ST8SIA6: variants seen among roughly 807,000 people sequenced by gnomAD.
ST8SIA6 encodes alpha-2,8-sialyltransferase 8F.
Under a neutral mutation model 33.6 loss-of-function variants are expected in ST8SIA6, and 39 were observed. The ratio of observed to expected loss-of-function variants is 1.16; its 90% CI spans 0.90 to 1.52. ST8SIA6 has a LOEUF of 1.52. Among genes scored for constraint, ST8SIA6 ranks in the 40% most tolerant of loss-of-function variants. ST8SIA6 has a pLI of 0.00. For missense variants in ST8SIA6, 441 were observed against 443.8 expected, an observed-to-expected ratio of 0.99 and a Z score of 0.06; for synonymous variants, 172 against 167.2, an observed-to-expected ratio of 1.03 and a Z score of -0.22.
At chr10:17,336,646 T>G (rs1848508654) in intron 4 of ST8SIA6, among the ~76,000 whole-genome samples, 1 of 149,908 alleles carries the variant, frequency 6.7e-6, no homozygotes, top group South Asian at 2.1e-4. Flanking sequence ...CAGGCTGAAG[T>G]GCAGTGGCCC....
chr10:17,399,584 T>C (rs1300524649), intron 2 of ST8SIA6, among the ~76,000 whole-genome samples: 3 of 152,138 alleles, frequency 2.0e-5, no homozygotes, highest in Non-Finnish European at 4.4e-5. Context: ...TACCATAATG[T>C]ATTTTGCCCT....
At chr10:17,442,118 C>T (rs1337398845) in intron 2 of ST8SIA6, among the ~76,000 whole-genome samples, 4 of 152,210 alleles carry the variant, frequency 2.6e-5, no homozygotes, top group African/African-American at 4.8e-5. Context: ...CCACCTGCCT[C>T]GGCCTCCCGA....
At position 17,327,153 on chromosome 10, in the gene ST8SIA6, A is replaced by G. The variant is rs750945264; in HGVS notation, c.523-27T>C. The G allele has an allele frequency of 3.3e-6, 5 of 1,533,954 alleles. No homozygotes were observed. In the Admixed American group the frequency reaches 7.4e-5, roughly 23 times the overall value. On this transcript the variant is annotated intron_variant, in intron 5 of 7. Coordinates refer to ENST00000377602, the MANE Select transcript of ST8SIA6 (RefSeq NM_001004470.3). Reference sequence around the variant, plus strand: ...TAGCAGGAGAAAGTGGAAAACTACCATGAAATACCGTTAATTTTAGAACCA... The same window carrying G: ...TAGCAGGAGAAAGTGGAAAACTACCGTGAAATACCGTTAATTTTAGAACCA...
In ST8SIA6 at chr10:17,427,382, C is replaced by T. The variant is rs75585390; in HGVS notation, c.200+26177G>A. On this transcript the variant is annotated intron_variant, in intron 2 of 7. Coordinates refer to ENST00000377602, the MANE Select transcript of ST8SIA6 (RefSeq NM_001004470.3). The stretch of plus-strand genomic sequence containing the variant: ...CAATGCTGCTGGCCTGGGGACCACA[C>T]TTGGCTCTAGGCCAAGGTTCTACAA... Among the ~76,000 whole-genome samples the T allele has an allele frequency of 7.8e-3, 1,193 of 152,328 alleles. 10 individuals carry two copies. Among genetic ancestry groups the T allele is most frequent in the African/African-American group, 0.027 (1,136 of 41,570 alleles).
chr10:17,451,335 A>G (rs1318933158), intron 2 of ST8SIA6, among the ~76,000 whole-genome samples: 1 of 152,230 alleles, frequency 6.6e-6, no homozygotes, highest in Non-Finnish European at 1.5e-5. Flanking sequence ...GTCAAATACC[A>G]CATGTTCTCA....
chr10:17,329,628 G>T (rs1848235068), intron 5 of ST8SIA6, among the ~76,000 whole-genome samples: 2 of 152,142 alleles, frequency 1.3e-5, no homozygotes, highest in Admixed American at 6.6e-5. Flanking sequence ...GCTCATTATG[G>T]TATAAAATAG....
intron 3 of ST8SIA6, among the ~76,000 whole-genome samples, chr10:17,370,147 A>AC (rs1849686225): frequency 6.6e-6 from 1 of 150,766 alleles, no homozygotes; most frequent in Non-Finnish European, 1.5e-5. Context: ...CACCTGGCTA[A>AC]TTTTTTTTTG....
At chr10:17,417,855 G>GA (rs1445529170) in intron 2 of ST8SIA6, among the ~76,000 whole-genome samples, 3 of 152,184 alleles carry the variant, frequency 2.0e-5, no homozygotes, top group Non-Finnish European at 4.4e-5. Context: ...AAAGGCTTAG[G>GA]AGGGGTAAGA....
intron 2 of ST8SIA6, among the ~76,000 whole-genome samples, chr10:17,428,259 A>T (rs1176394950): frequency 6.6e-6 from 1 of 152,146 alleles, no homozygotes; most frequent in Non-Finnish European, 1.5e-5. Flanking sequence ...TGCAGCCGCC[A>T]TCGGCCCTTC....
chr10:17,344,057 T>C (rs980707967), intron 4 of ST8SIA6, among the ~76,000 whole-genome samples: 2 of 152,206 alleles, frequency 1.3e-5, no homozygotes, highest in African/African-American at 4.8e-5. Context: ...GTCACACAGC[T>C]AGCTAATGAC....
At chr10:17,342,253 T>C (rs1314011450) in intron 4 of ST8SIA6, among the ~76,000 whole-genome samples, 11 of 152,216 alleles carry the variant, frequency 7.2e-5, no homozygotes, top group Admixed American at 7.2e-4. Flanking sequence ...GCTTGCCCTC[T>C]GGGAGCTTAC....
chr10:17,436,287 G>A (rs377452239), intron 2 of ST8SIA6, among the ~76,000 whole-genome samples: 1 of 152,160 alleles, frequency 6.6e-6, no homozygotes, highest in African/African-American at 2.4e-5. Flanking sequence ...TCCCTGGGGG[G>A]GAGGTAATTG....
intron 2 of ST8SIA6, among the ~76,000 whole-genome samples, chr10:17,444,839 G>T (rs1382656671): frequency 1.3e-5 from 2 of 152,192 alleles, no homozygotes; most frequent in Admixed American, 6.5e-5. Context: ...AAAGAGAAGG[G>T]TTGCAATTAA....
chr10:17,334,416 G>A (rs975732838), intron 4 of ST8SIA6, among the ~76,000 whole-genome samples: 3 of 151,684 alleles, frequency 2.0e-5, no homozygotes, highest in African/African-American at 7.3e-5. Flanking sequence ...GCAGGCACCT[G>A]TAGTCCCAGC....
In ST8SIA6 at chr10:17,319,119, CAT is replaced by C. The variant is rs1483438272; in HGVS notation, c.*1757_*1758del. Among the ~76,000 whole-genome samples, 6 of 152,250 alleles carry C rather than the reference CAT, an allele frequency of 3.9e-5. No individual in the cohort carries two copies. Among genetic ancestry groups the C allele is most frequent in the Middle Eastern group, 3.4e-3 (1 of 294 alleles). On this transcript the variant is annotated 3_prime_UTR_variant, in exon 8 of 8. Coordinates refer to ENST00000377602, the MANE Select transcript of ST8SIA6 (RefSeq NM_001004470.3). ...TTGAGAAAAAGATAAAAAGAATGCA[CAT>C]GTTATATGTGTCACAATGAATGTGT...
At chr10:17,436,680 T>C (rs1852272580) in intron 2 of ST8SIA6, among the ~76,000 whole-genome samples, 1 of 151,990 alleles carries the variant, frequency 6.6e-6, no homozygotes, top group Non-Finnish European at 1.5e-5. Context: ...GCTTCATCCA[T>C]GTCCCTACAA....
At chr10:17,407,162 A>C (rs1851295534) in intron 2 of ST8SIA6, among the ~76,000 whole-genome samples, 1 of 152,182 alleles carries the variant, frequency 6.6e-6, no homozygotes, top group Non-Finnish European at 1.5e-5. Flanking sequence ...TTAAACCCAC[A>C]TAGCTTAAAG....
At position 17,333,701 on chromosome 10, in the gene ST8SIA6, A is replaced by T. The variant is rs1480366444; in HGVS notation, c.378-2149T>A. On this transcript the variant is annotated intron_variant, in intron 4 of 7. Transcript: ENST00000377602. Reference sequence around the variant, plus strand: ...TATATATATATATATATATATATATATATATATATATATATATTTTTTTTT... The same window carrying T: ...TATATATATATATATATATATATATTTATATATATATATATATTTTTTTTT... 1.3e-3 allele frequency among the ~76,000 whole-genome samples: 31 copies of T among 23,894 alleles called. 5 individuals carry two copies. Among genetic ancestry groups the T allele is most frequent in the South Asian group, 3.6e-3 (3 of 834 alleles). 15.7% of individuals were successfully genotyped at this position (23,894 alleles called of 152,430 possible).
chr10:17,334,599 C>G (rs912803354), intron 4 of ST8SIA6, among the ~76,000 whole-genome samples: 1 of 149,972 alleles, frequency 6.7e-6, no homozygotes, highest in African/African-American at 2.4e-5. Flanking sequence ...AAGTTAAGAA[C>G]AGTATCACAG....
Sources: gnomAD v4.1 joint callset for allele counts (sites outside exome capture counted in the v4.1 genomes callset) on GRCh38, gnomAD v4.1.1 for gene constraint, MANE v1.5 for transcripts, NCBI Gene and HGNC (gene_info 2026-07-23, HGNC 2026-07-21) for gene names.